GPAM: variants seen among roughly 807,000 people sequenced by gnomAD.
GPAM encodes glycerol-3-phosphate acyltransferase, mitochondrial, also known as glycerol-3-phosphate acyltransferase 1, mitochondrial.
GPAM carries 56 observed loss-of-function variants against 105.0 expected under a neutral mutation model. That is an observed-to-expected ratio of 0.53 (90% confidence interval 0.43 to 0.67). GPAM has a LOEUF of 0.67. GPAM is among the 30% of genes least tolerant of loss of function. The pLI is 0.00. For synonymous variants in GPAM, 368 were observed against 354.4 expected, an observed-to-expected ratio of 1.04 and a Z score of -0.43; for missense variants, 855 against 989.8, an observed-to-expected ratio of 0.86 and a Z score of 1.83.
At chr10:112,166,730 C>T (rs1300526214) in intron 11 of GPAM, among the ~76,000 whole-genome samples, 1 of 152,168 alleles carries the variant, frequency 6.6e-6, no homozygotes, top group Non-Finnish European at 1.5e-5. Context: ...AGATGGAATT[C>T]AGTCAATGAA....
At chr10:112,159,413 C>T (rs912057277) in intron 17 of GPAM, among the ~76,000 whole-genome samples, 4 of 151,630 alleles carry the variant, frequency 2.6e-5, no homozygotes, top group African/African-American at 4.8e-5. Context: ...TTAGTAGAGA[C>T]GGGGTTTCTC....
intron 1 of GPAM, among the ~76,000 whole-genome samples, chr10:112,191,910 G>A (rs947585985): frequency 2.0e-5 from 3 of 152,106 alleles, no homozygotes; most frequent in African/African-American, 7.2e-5. Context: ...TGAAGATGGG[G>A]GGACTGTGAA....
Position 112,155,980 on chromosome 10 carries a change from T to C in GPAM, c.2195A>G (p.Tyr732Cys), listed in dbSNP as rs1410117278. Residue 732 changes from tyrosine to cysteine, a missense_variant, in exon 20 of 22, where the codon TAC (tyrosine) becomes TGC (cysteine). Coordinates refer to ENST00000348367, the MANE Select transcript of GPAM (RefSeq NM_001244949.2). ...GTGAACAAAGATGGCAGCAGAGCTG[T>C]AGGCCTCCAGCAAAGGCCCAAGGAG... The part of the protein sequence containing the change: ...QRLLGPLLEA[Y>C]SSAAIFVHNF... The C allele has an allele frequency of 9.9e-6, 16 of 1,611,222 alleles. No individual in the cohort carries two copies. The highest frequency in any genetic ancestry group is 2.7e-5 in the African/African-American group (2 of 74,854).
intron 7 of GPAM, 76 bp from the exon 8 acceptor site, chr10:112,173,142 CTTCT>C: frequency 1.2e-6 from 1 of 839,212 alleles, no homozygotes; most frequent in South Asian, 1.4e-5. Context: ...ATACAGTTGA[CTTCT>C]GTCTACTTAA....
the GPAM span, among the ~76,000 whole-genome samples, chr10:112,223,511 G>A: frequency 4.6e-5 from 7 of 152,188 alleles, no homozygotes; most frequent in African/African-American, 1.7e-4. Context: ...AATGAACTGA[G>A]GGCGTTAGGG....
intron 1 of GPAM, among the ~76,000 whole-genome samples, chr10:112,199,247 C>T (rs12765363): frequency 2.6e-5 from 4 of 152,228 alleles, no homozygotes; most frequent in Non-Finnish European, 4.4e-5. Flanking sequence ...TAAGCCACTG[C>T]GCCCAGCCAC....
At chr10:112,155,387 T>A (rs575390770) in intron 20 of GPAM, 1 of 180,116 alleles carries the variant, frequency 5.6e-6, no homozygotes, top group South Asian at 1.2e-4. Context: ...TGGAAACTGT[T>A]TGGTGGTATC....
At chr10:112,154,928 G>A in intron 20 of GPAM, 1 of 579,816 alleles carries the variant, frequency 1.7e-6, no homozygotes, top group South Asian at 2.0e-5. Context: ...GAAGGGGAAA[G>A]AAAAGAGGGT....
At chr10:112,199,089 A>ATATGTGTGTG in intron 1 of GPAM, among the ~76,000 whole-genome samples, 1 of 134,974 alleles carries the variant, frequency 7.4e-6, no homozygotes, top group South Asian at 2.7e-4. Context: ...CGCCTGGCTA[A>ATATGTGTGTG]TGTGTGTGTG....
Position 112,152,077 on chromosome 10 carries a change from T to C in GPAM, c.*1473A>G, listed in dbSNP as rs555072558. 1 of 982,868 alleles carries C rather than the reference T, an allele frequency of 1.0e-6. No homozygotes were observed. Among genetic ancestry groups the C allele is most frequent in the South Asian group, 4.7e-5 (1 of 21,230 alleles). 60.9% of individuals were successfully genotyped at this position (982,868 alleles called of 1,614,324 possible). On this transcript the variant is annotated 3_prime_UTR_variant, in exon 22 of 22. Transcript: ENST00000348367. ...CTCCCTCTCCCAAAACACACATTACTCATGAGATACTATCAGTGTTTAAAA... is the reference window on the plus strand; with the variant it reads ...CTCCCTCTCCCAAAACACACATTACCCATGAGATACTATCAGTGTTTAAAA...
chr10:112,191,125 G>T (rs1378565375), intron 1 of GPAM, among the ~76,000 whole-genome samples: 1 of 152,158 alleles, frequency 6.6e-6, no homozygotes, highest in Non-Finnish European at 1.5e-5. Context: ...CATTTTCCTG[G>T]ACACTGAAGT....
At chr10:112,214,250 G>T (rs182745237) in intron 1 of GPAM, 1 of 152,162 alleles carries the variant, frequency 6.6e-6, no homozygotes, top group South Asian at 2.1e-4. Flanking sequence ...GAGGAAATGC[G>T]GTTGGCATGG....
At position 112,149,919 on chromosome 10, in the gene GPAM, A is replaced by G; in HGVS notation, c.*3631T>C. ...AACTACATTTTCTGTGTTTCTTGCA[A>G]TACACTAACAAGCATAAAAATCAAT... On this transcript the variant is annotated 3_prime_UTR_variant, in exon 22 of 22. Transcript: ENST00000348367. 1.0e-6 allele frequency: 1 copy of G among 985,606 alleles called. No homozygotes were observed. Among genetic ancestry groups the G allele is most frequent in the Non-Finnish European group, 1.2e-6 (1 of 829,656 alleles). 61.1% of individuals were successfully genotyped at this position (985,606 alleles called of 1,614,324 possible). A position where few individuals can be genotyped will look rare whatever the true frequency, so the allele number is the denominator to read the frequency against.
At chr10:112,178,734 G>A (rs914533935) in intron 4 of GPAM, among the ~76,000 whole-genome samples, 4 of 152,076 alleles carry the variant, frequency 2.6e-5, no homozygotes, top group Non-Finnish European at 4.4e-5. Context: ...AGTTATTGTT[G>A]CTTACTAAAT....
intron 1 of GPAM, among the ~76,000 whole-genome samples, chr10:112,197,778 A>G (rs1018924438): frequency 2.0e-5 from 3 of 151,312 alleles, no homozygotes; most frequent in Non-Finnish European, 4.4e-5. Flanking sequence ...GAGAATGATG[A>G]TTTCCAATTT....
chr10:112,157,770 A>G (rs1039238726), intron 18 of GPAM, among the ~76,000 whole-genome samples: 2 of 152,260 alleles, frequency 1.3e-5, no homozygotes, highest in African/African-American at 4.8e-5. Flanking sequence ...GTCTCAACTT[A>G]GCATACAAAC....
chr10:112,171,122 T>C (rs1261200063), intron 9 of GPAM, among the ~76,000 whole-genome samples: 5 of 152,174 alleles, frequency 3.3e-5, no homozygotes, highest in Admixed American at 2.6e-4. Flanking sequence ...TAGAGATGCT[T>C]TGTCCTTTCA....
chr10:112,218,167 C>G (rs1847989299), upstream of GPAM, among the ~76,000 whole-genome samples: 1 of 152,222 alleles, frequency 6.6e-6, no homozygotes, highest in Non-Finnish European at 1.5e-5. Flanking sequence ...GGCAGTGCCT[C>G]TGCAGCTGCC....
At chr10:112,176,941 T>A (rs537209234) in intron 5 of GPAM, among the ~76,000 whole-genome samples, 98 of 152,246 alleles carry the variant, frequency 6.4e-4, no homozygotes, top group Admixed American at 1.4e-3. Context: ...CTGTCTCTAA[T>A]TGAGGGCAAG....
Sources: allele counts gnomAD v4.1 joint callset (sites outside exome capture counted in the v4.1 genomes callset), GRCh38; gene constraint gnomAD v4.1.1; transcripts MANE v1.5; gene names NCBI Gene and HGNC (gene_info 2026-07-23, HGNC 2026-07-21).